Variants in RBFOX1 observed in about 807,000 individuals in gnomAD.
RBFOX1 encodes the protein RNA binding fox-1 homolog 1, also known as RNA binding protein fox-1 homolog 1.
A neutral mutation model predicts 57.7 loss-of-function variants in RBFOX1; 8 were observed. The observed-to-expected ratio is 0.14, with a 90% CI of 0.08 to 0.25. The LOEUF (loss-of-function observed/expected upper bound fraction) is 0.25, where lower values mean the gene tolerates loss of function less well. Among genes scored for constraint, RBFOX1 ranks in the 10% least tolerant of loss-of-function variants. RBFOX1 has a pLI of 1.00. For missense variants in RBFOX1, 611 were observed against 548.5 expected, an observed-to-expected ratio of 1.11 and a Z score of -1.14; for synonymous variants, 326 against 222.4, an observed-to-expected ratio of 1.47 and a Z score of -4.15.
At chr16:5,965,948 C>T (rs1342956141) in intron 4 of RBFOX1, among the ~76,000 whole-genome samples, 1 of 152,138 alleles carries the variant, frequency 6.6e-6, no homozygotes, top group Admixed American at 6.5e-5. Context: ...GGATGTTATC[C>T]ACCTGGCTGT....
At chr16:6,060,122 G>GTTTTTTTTTTTTTTTTTTTTTTTTGT (rs2095664654) in intron 1 of RBFOX1, among the ~76,000 whole-genome samples, 1 of 114,206 alleles carries the variant, frequency 8.8e-6, no homozygotes, top group African/African-American at 3.6e-5. Context: ...TAGGATTAGG[G>GTTTTTTTTTTTTTTTTTTTTTTTTGT]TTTTTTTTTT....
intron 1 of RBFOX1, among the ~76,000 whole-genome samples, chr16:6,185,867 AAAG>A (rs1321693351): frequency 4.6e-5 from 7 of 152,312 alleles, no homozygotes; most frequent in East Asian, 1.9e-4. Flanking sequence ...TTGACATCCT[AAAG>A]AAGAAGGAAG....
intron 3 of RBFOX1, among the ~76,000 whole-genome samples, chr16:5,730,262 C>G (rs146938012): frequency 2.0e-5 from 3 of 152,242 alleles, no homozygotes; most frequent in Non-Finnish European, 4.4e-5. Context: ...CTTTCAATGT[C>G]CATACCTGAT....
chr16:7,000,772 C>G (rs747096381), intron 3 of RBFOX1, among the ~76,000 whole-genome samples: 1 of 151,536 alleles, frequency 6.6e-6, no homozygotes, highest in Non-Finnish European at 1.5e-5. Flanking sequence ...GCCTGGCTAA[C>G]TTTCTATATT....
chr16:7,030,040 G>A (rs2153690354), intron 3 of RBFOX1, among the ~76,000 whole-genome samples: 1 of 152,162 alleles, frequency 6.6e-6, no homozygotes, highest in Admixed American at 6.5e-5. Context: ...GAGGATGGTG[G>A]GATAGATAGT....
intron 3 of RBFOX1, among the ~76,000 whole-genome samples, chr16:6,928,001 C>T (rs2075911665): frequency 6.6e-6 from 1 of 152,202 alleles, no homozygotes; most frequent in Admixed American, 6.5e-5. Context: ...TCCGCTGCTG[C>T]TGGCTTCCAC....
chr16:7,494,618 G>C (rs560498673), intron 4 of RBFOX1, among the ~76,000 whole-genome samples: 1 of 152,140 alleles, frequency 6.6e-6, no homozygotes, highest in South Asian at 2.1e-4. Context: ...TCCTATGAAG[G>C]GTATGCAGTT....
chr16:7,609,819 G>GTTTA (rs1429146221), intron 10 of RBFOX1, among the ~76,000 whole-genome samples: 5 of 151,870 alleles, frequency 3.3e-5, no homozygotes. Flanking sequence ...TTGTTTGTTT[G>GTTTA]TTTGTTTGTT....
At chr16:6,171,603 TA>T (rs376084010) in intron 1 of RBFOX1, among the ~76,000 whole-genome samples, 146 of 152,240 alleles carry the variant, frequency 9.6e-4, no homozygotes, top group African/African-American at 3.4e-3. Flanking sequence ...CTTAGAGGGT[TA>T]AAAAGCATAC....
At chr16:6,831,141 C>A (rs114695631) in intron 3 of RBFOX1, among the ~76,000 whole-genome samples, 1,869 of 152,236 alleles carry the variant, frequency 0.012, 51 homozygotes, top group African/African-American at 0.043. Context: ...TATTTGCAAG[C>A]GGTTTTGCTC....
chr16:6,767,041 A>G (rs1027505069), intron 3 of RBFOX1, among the ~76,000 whole-genome samples: 3 of 152,094 alleles, frequency 2.0e-5, no homozygotes, highest in African/African-American at 7.2e-5. Context: ...TTTTCACAAA[A>G]TAATCATTGT....
upstream of RBFOX1, among the ~76,000 whole-genome samples, chr16:6,016,533 T>G (rs2094994853): frequency 1.3e-5 from 2 of 152,170 alleles, no homozygotes; most frequent in Admixed American, 1.3e-4. Context: ...ATCCTAAGTT[T>G]TAAAGTAAGA....
At chr16:6,898,068 T>A (rs185604932) in intron 3 of RBFOX1, among the ~76,000 whole-genome samples, 1 of 152,326 alleles carries the variant, frequency 6.6e-6, no homozygotes, top group East Asian at 1.9e-4. Context: ...GCCTGATACT[T>A]GGCAGTTATT....
At chr16:5,709,923 T>A (rs1477065326) in intron 3 of RBFOX1, among the ~76,000 whole-genome samples, 2 of 142,224 alleles carry the variant, frequency 1.4e-5, no homozygotes, top group African/African-American at 5.3e-5. Context: ...TTATGCATTA[T>A]TGCCCTTGGC....
chr16:7,634,217 A>G (rs1431701714), intron 11 of RBFOX1, among the ~76,000 whole-genome samples: 26 of 152,240 alleles, frequency 1.7e-4, no homozygotes, highest in Admixed American at 1.6e-3. Context: ...GAAAATGCAT[A>G]TGTTCCTCAT....
intron 2 of RBFOX1, among the ~76,000 whole-genome samples, chr16:6,586,768 A>T (rs930448280): frequency 6.6e-6 from 1 of 152,204 alleles, no homozygotes; most frequent in African/African-American, 2.4e-5. Flanking sequence ...TCCCGGCCAG[A>T]TCTCAGTTGC....
intron 4 of RBFOX1, among the ~76,000 whole-genome samples, chr16:7,411,518 C>G (rs1377915936): frequency 1.3e-5 from 2 of 152,166 alleles, no homozygotes; most frequent in African/African-American, 2.4e-5. Context: ...TCCCCCAAAT[C>G]TATAACCCCA....
At chr16:5,642,332 G>A (rs1486901618) in intron 3 of RBFOX1, among the ~76,000 whole-genome samples, 1 of 152,182 alleles carries the variant, frequency 6.6e-6, no homozygotes, top group Non-Finnish European at 1.5e-5. Flanking sequence ...CGAAATACAT[G>A]AAAGCAATCC....
chr16:7,115,184 A>G (rs368689357), intron 4 of RBFOX1, among the ~76,000 whole-genome samples: 1 of 152,072 alleles, frequency 6.6e-6, no homozygotes, highest in Non-Finnish European at 1.5e-5. Context: ...GAAACCTGGT[A>G]TTTTTTTAAT....
Sources: allele counts gnomAD v4.1 joint callset (sites outside exome capture counted in the v4.1 genomes callset), GRCh38; gene constraint gnomAD v4.1.1; transcripts MANE v1.5; gene names NCBI Gene and HGNC (gene_info 2026-07-23, HGNC 2026-07-21).